Variants in DNAAF4 observed in about 807,000 individuals in gnomAD.
The protein encoded by DNAAF4 is dynein assembly factor 4, axonemal.
In DNAAF4, 43 loss-of-function variants were observed where a neutral mutation model predicts 51.8. The ratio of observed to expected loss-of-function variants is 0.83; its 90% CI spans 0.65 to 1.07. The LOEUF (loss-of-function observed/expected upper bound fraction) is 1.07. DNAAF4 is among the 50% of genes least tolerant of loss of function. The pLI is 0.00. For missense variants in DNAAF4, 581 were observed against 493.0 expected (o/e 1.18, Z -1.69); for synonymous variants, 194 against 165.6 (o/e 1.17, Z -1.32).
At chr15:55,428,484 C>CTT (rs747325376), downstream of DNAAF4, among the ~76,000 whole-genome samples, 245 of 85,072 alleles carry the variant, frequency 2.9e-3, 8 homozygotes, top group African/African-American at 6.8e-3. Flanking sequence ...TCTTTTTTTT[C>CTT]TTTTTTTTTT....
intron 4 of DNAAF4, among the ~76,000 whole-genome samples, chr15:55,485,440 T>A (rs11629841): frequency 3.3e-5 from 5 of 152,046 alleles, no homozygotes; most frequent in Admixed American, 6.6e-5. Context: ...TTTGAGGTCC[T>A]ATGGCATTAA....
chr15:55,445,120 T>C (rs1595901378), intron 6 of DNAAF4, among the ~76,000 whole-genome samples: 5 of 146,480 alleles, frequency 3.4e-5, no homozygotes, highest in African/African-American at 1.3e-4. Context: ...AGGATAATAG[T>C]GGAGAGAAGG....
intron 8 of DNAAF4, among the ~76,000 whole-genome samples, chr15:55,434,384 T>G (rs1050338265): frequency 2.0e-5 from 3 of 152,026 alleles, no homozygotes; most frequent in Non-Finnish European, 4.4e-5. Context: ...AGAAGCTACC[T>G]AAGAGATTTT....
At chr15:55,440,470 C>T (rs1033964745) in intron 6 of DNAAF4, among the ~76,000 whole-genome samples, 2 of 152,006 alleles carry the variant, frequency 1.3e-5, no homozygotes, top group Admixed American at 6.6e-5. Flanking sequence ...GCTCTGCCTC[C>T]CAGGTTCACA....
chr15:55,464,427 TGAAAC>T (rs1486444827), intron 5 of DNAAF4, among the ~76,000 whole-genome samples: 4 of 151,844 alleles, frequency 2.6e-5, no homozygotes, highest in African/African-American at 9.7e-5. Flanking sequence ...CAAAAGCAAA[TGAAAC>T]AAAAACAAAG....
At chr15:55,455,418 T>A (rs953122134) in intron 5 of DNAAF4, among the ~76,000 whole-genome samples, 5 of 105,942 alleles carry the variant, frequency 4.7e-5, no homozygotes, top group Admixed American at 1.8e-4. Context: ...ATATATTCAA[T>A]CTAAATGACT....
intron 7 of DNAAF4, 27 bp downstream of exon 7, chr15:55,439,445 C>T (rs766880153): frequency 1.9e-6 from 3 of 1,560,870 alleles, no homozygotes; most frequent in Non-Finnish European, 2.6e-6. Context: ...CATGATAAAG[C>T]TCATGATCAG....
intron 1 of DNAAF4, among the ~76,000 whole-genome samples, chr15:55,500,045 T>G (rs997858648): frequency 5.9e-5 from 9 of 152,148 alleles, no homozygotes; most frequent in African/African-American, 2.2e-4. Context: ...TCAACTTTTT[T>G]TTAACTTTAA....
At chr15:55,456,977 T>C (rs2058029628) in intron 5 of DNAAF4, among the ~76,000 whole-genome samples, 1 of 152,192 alleles carries the variant, frequency 6.6e-6, no homozygotes, top group Non-Finnish European at 1.5e-5. Flanking sequence ...AGGAAGCTTG[T>C]AGCTGAACTT....
At chr15:55,450,495 C>G in intron 5 of DNAAF4, 128 bp from the exon 6 acceptor site, 2 of 1,146,944 alleles carry the variant, frequency 1.7e-6, no homozygotes, top group Non-Finnish European at 2.4e-6. Flanking sequence ...ATATTTTCTG[C>G]AAGAAAAGAA....
At position 55,498,450 on chromosome 15, in the gene DNAAF4, T is replaced by A; in HGVS notation, c.-121A>T. 4.9e-6 allele frequency: 7 copies of A among 1,443,096 alleles called. No individual in the cohort carries two copies. The highest frequency in any genetic ancestry group is 6.4e-6 in the Non-Finnish European group (7 of 1,093,062). 89.4% of individuals were successfully genotyped at this position (1,443,096 alleles called of 1,614,324 possible). The stretch of plus-strand genomic sequence containing the variant: ...GTCAGGCCGGCCGGGAGCCCGGCGT[T>A]CCCAGCGTGCTCCGGCGCCAGCACC... On this transcript the variant is annotated 5_prime_UTR_variant, in exon 2 of 10. Transcript: ENST00000321149.
chr15:55,495,872 T>TG (rs1256260079), intron 3 of DNAAF4, among the ~76,000 whole-genome samples: 7 of 152,182 alleles, frequency 4.6e-5, no homozygotes, highest in Non-Finnish European at 1.5e-5. Flanking sequence ...AAGCTGATCT[T>TG]GGTATTAGTA....
intron 4 of DNAAF4, among the ~76,000 whole-genome samples, chr15:55,489,701 G>A (rs1441202735): frequency 2.0e-5 from 3 of 150,076 alleles, no homozygotes; most frequent in African/African-American, 7.4e-5. Flanking sequence ...AAAGTTAAGT[G>A]GAAGTGATAA....
chr15:55,497,586 C>A, intron 3 of DNAAF4, 126 bp downstream of exon 3: 3 of 1,141,784 alleles, frequency 2.6e-6, no homozygotes, highest in Middle Eastern at 2.9e-4. Context: ...GGCGACAGAG[C>A]AAGACTCTTA....
chr15:55,439,565 G>C lies in DNAAF4; in HGVS notation c.800C>G (p.Ala267Gly), dbSNP rs746771349. The C allele has an allele frequency of 3.1e-6, 5 of 1,613,700 alleles. No homozygotes were observed. The Admixed American group carries it at 8.3e-5, about 27-fold the overall frequency. The change falls in exon 7 of 10, where the codon GCT becomes GGT. Residue 267 changes from alanine (A) to glycine (G), a missense_variant. Physicochemically the swap from Ala to Gly is moderately conservative, Grantham distance 60. Transcript: ENST00000321149. ...AEEEEWLHKQ[A>G]EARRAMNTDI... Reference sequence around the variant, plus strand: ...AGTATTCATTGCTCTTCGTGCCTCAGCTTGTTTGTGTAGCCACTAGAATGA... The same window carrying C: ...AGTATTCATTGCTCTTCGTGCCTCACCTTGTTTGTGTAGCCACTAGAATGA...
At chr15:55,443,191 T>C (rs1181697544) in intron 6 of DNAAF4, 6 of 1,609,978 alleles carry the variant, frequency 3.7e-6, no homozygotes, top group Non-Finnish European at 5.1e-6. Flanking sequence ...TCTTAGGTCC[T>C]TGTTCCAGCT....
chr15:55,471,850 C>A (rs1399062104), intron 4 of DNAAF4, among the ~76,000 whole-genome samples: 1 of 147,324 alleles, frequency 6.8e-6, no homozygotes, highest in Non-Finnish European at 1.5e-5. Context: ...TATTTACTTA[C>A]TTATTTTGAG....
chr15:55,477,193 AAG>A (rs1490332071), intron 4 of DNAAF4, among the ~76,000 whole-genome samples: 1 of 152,020 alleles, frequency 6.6e-6, no homozygotes, highest in Non-Finnish European at 1.5e-5. Context: ...AAAAAAAGAA[AAG>A]AGTTCTGGAG....
chr15:55,463,212 A>ACAC (rs55837637), intron 5 of DNAAF4, among the ~76,000 whole-genome samples: 1 of 151,292 alleles, frequency 6.6e-6, no homozygotes, highest in South Asian at 2.1e-4. Context: ...ACACACACAC[A>ACAC]AAGCATTTGA....
Sources: allele counts gnomAD v4.1 joint callset (sites outside exome capture counted in the v4.1 genomes callset), GRCh38; gene constraint gnomAD v4.1.1; transcripts MANE v1.5; gene names NCBI Gene and HGNC (gene_info 2026-07-23, HGNC 2026-07-21).